The following EPM2A variants were observed in gnomAD, a reference collection of about 807,000 sequenced individuals.
EPM2A encodes the protein EPM2A glucan phosphatase, laforin.
Under a neutral mutation model 26.5 loss-of-function variants are expected in EPM2A, and 21 were observed. That is an observed-to-expected ratio of 0.79 (90% CI 0.56 to 1.14). EPM2A has a LOEUF of 1.14. EPM2A is among the 50% of genes most tolerant of loss of function. EPM2A has a pLI of 0.00. For missense variants in EPM2A, 458 were observed against 440.8 expected, an observed-to-expected ratio of 1.04 and a Z score of -0.35; for synonymous variants, 217 against 177.6, an observed-to-expected ratio of 1.22 and a Z score of -1.76.
At chr6:145,690,653 C>T (rs1362140147) in intron 1 of EPM2A, among the ~76,000 whole-genome samples, 3 of 149,566 alleles carry the variant, frequency 2.0e-5, no homozygotes, top group African/African-American at 7.4e-5. Context: ...AAAAAGATGC[C>T]GGATAAAGGC....
At chr6:145,480,653 G>A (rs1038441363) in intron 4 of EPM2A, among the ~76,000 whole-genome samples, 2 of 151,958 alleles carry the variant, frequency 1.3e-5, no homozygotes, top group Non-Finnish European at 1.5e-5. Flanking sequence ...TATATCTTGA[G>A]GCTACTTAGA....
At chr6:145,630,323 G>C (rs1016603213) in intron 3 of EPM2A, 3 of 152,208 alleles carry the variant, frequency 2.0e-5, no homozygotes, top group African/African-American at 7.2e-5. Context: ...CTTAAGAAGG[G>C]TATCAGAGGC....
chr6:145,488,803 C>A (rs1779713347), intron 4 of EPM2A, among the ~76,000 whole-genome samples: 1 of 151,990 alleles, frequency 6.6e-6, no homozygotes, highest in Non-Finnish European at 1.5e-5. Flanking sequence ...ACTAGTGCAA[C>A]TTTCAATCAA....
chr6:145,674,940 C>T lies in EPM2A; in HGVS notation c.476+11182G>A, dbSNP rs1338983721. Among the ~76,000 whole-genome samples, 8 of 152,048 alleles carry T rather than the reference C, an allele frequency of 5.3e-5. No homozygotes were observed. The East Asian group carries it at 7.7e-4, about 15-fold the overall frequency. ...AATTCAGGAAATACAGAGAACACCA[C>T]GAAGATACTCCTCAAGAAGAGCAAC... On this transcript the variant is annotated intron_variant, in intron 2 of 3. Coordinates refer to ENST00000367519, the MANE Select transcript of EPM2A (RefSeq NM_005670.4).
intron 4 of EPM2A, among the ~76,000 whole-genome samples, chr6:145,397,525 A>C (rs748536171): frequency 4.6e-5 from 7 of 152,166 alleles, no homozygotes; most frequent in Non-Finnish European, 5.9e-5. Flanking sequence ...CTCCTACCCA[A>C]TTACAGGGGG....
At chr6:145,580,308 A>G (rs952888520) in intron 2 of EPM2A, among the ~76,000 whole-genome samples, 3 of 152,150 alleles carry the variant, frequency 2.0e-5, no homozygotes, top group Non-Finnish European at 4.4e-5. Context: ...TTATTAAATG[A>G]TTAGCATTTG....
chr6:145,654,885 G>A (rs1778150837), intron 2 of EPM2A, among the ~76,000 whole-genome samples: 1 of 152,050 alleles, frequency 6.6e-6, no homozygotes, highest in Non-Finnish European at 1.5e-5. Context: ...TACTTCACTT[G>A]TATAAAGTTG....
intron 2 of EPM2A, among the ~76,000 whole-genome samples, chr6:145,672,539 T>C (rs1008866233): frequency 2.6e-5 from 4 of 152,112 alleles, no homozygotes; most frequent in African/African-American, 9.7e-5. Context: ...GAAAAAGAAA[T>C]AAGAACTAGT....
intron 4 of EPM2A, among the ~76,000 whole-genome samples, chr6:145,448,943 T>C (rs1779163606): frequency 6.6e-6 from 1 of 152,190 alleles, no homozygotes; most frequent in Non-Finnish European, 1.5e-5. Flanking sequence ...TGTAAAACCA[T>C]GGGCCTCAGC....
chr6:145,585,791 A>G lies in EPM2A; in HGVS notation c.340+49454T>C, dbSNP rs572003041. Among the ~76,000 whole-genome samples the G allele has an allele frequency of 1.2e-3, 177 of 152,254 alleles. 1 individual carries two copies. The highest frequency in any genetic ancestry group is 3.9e-3 in the African/African-American group (163 of 41,556). ...AATTAAGTTACTTGGAAACAGTTTG[A>G]TCTTTTGGGCTATTGTGTTTAAAAT... On this transcript the variant is annotated intron_variant, in intron 2 of 3. Coordinates refer to the EPM2A transcript ENST00000450221.
Position 145,627,351 on chromosome 6 carries a change from C to T in EPM2A, c.*65G>A, listed in dbSNP as rs1775884442. On this transcript the variant is annotated 3_prime_UTR_variant, in exon 4 of 4. Coordinates refer to ENST00000367519, the MANE Select transcript of EPM2A (RefSeq NM_005670.4). ...TCAGGTAGAATCCTTGTTTCTAGGTCATTTGACCAACATCATCCCAGGCTC... is the reference window on the plus strand; with the variant it reads ...TCAGGTAGAATCCTTGTTTCTAGGTTATTTGACCAACATCATCCCAGGCTC... 6.2e-6 allele frequency: 10 copies of T among 1,608,886 alleles called. No homozygotes were observed. The highest frequency in any genetic ancestry group is 8.5e-6 in the Non-Finnish European group (10 of 1,179,966).
At chr6:145,704,174 A>G (rs907884920) in intron 1 of EPM2A, among the ~76,000 whole-genome samples, 4 of 152,212 alleles carry the variant, frequency 2.6e-5, no homozygotes, top group Admixed American at 6.5e-5. Context: ...CTGCAGTCAC[A>G]TTTACTTCAT....
At chr6:145,719,264 C>T (rs574249741) in intron 1 of EPM2A, among the ~76,000 whole-genome samples, 34 of 149,016 alleles carry the variant, frequency 2.3e-4, no homozygotes, top group African/African-American at 7.7e-4. Context: ...AAATGTGGCA[C>T]ATATACACCA....
chr6:145,519,493 C>G (rs1780175434), intron 2 of EPM2A, among the ~76,000 whole-genome samples: 1 of 152,084 alleles, frequency 6.6e-6, no homozygotes, highest in African/African-American at 2.4e-5. Context: ...TTCTCCCTAC[C>G]AATTTTCAGT....
chr6:145,437,551 C>T (rs1779005356), intron 4 of EPM2A, among the ~76,000 whole-genome samples: 1 of 152,180 alleles, frequency 6.6e-6, no homozygotes, highest in African/African-American at 2.4e-5. Context: ...CACCAAGAAT[C>T]AGTTGAAAAT....
chr6:145,536,253 GT>G (rs1562373794), intron 2 of EPM2A, among the ~76,000 whole-genome samples: 3 of 59,694 alleles, frequency 5.0e-5, no homozygotes, highest in African/African-American at 1.6e-4. Context: ...TTGGTTTTTT[GT>G]TTTTGTTTTT....
chr6:145,459,403 C>T (rs932193210), intron 4 of EPM2A, among the ~76,000 whole-genome samples: 7 of 152,068 alleles, frequency 4.6e-5, no homozygotes, highest in South Asian at 2.1e-4. Flanking sequence ...GAATCATGCT[C>T]GAAAAGTTCA....
At chr6:145,695,699 A>G (rs1341107327) in intron 1 of EPM2A, among the ~76,000 whole-genome samples, 1 of 152,072 alleles carries the variant, frequency 6.6e-6, no homozygotes, top group Non-Finnish European at 1.5e-5. Context: ...AAGAAAGACA[A>G]AGAAGGTAAT....
At chr6:145,729,752 G>A (rs1776388828) in intron 1 of EPM2A, among the ~76,000 whole-genome samples, 1 of 152,160 alleles carries the variant, frequency 6.6e-6, no homozygotes, top group South Asian at 2.1e-4. Flanking sequence ...AATAAGCTGA[G>A]ACTTTGGGGG....
Sources: gnomAD v4.1 joint callset for allele counts (sites outside exome capture counted in the v4.1 genomes callset) on GRCh38, gnomAD v4.1.1 for gene constraint, MANE v1.5 for transcripts, NCBI Gene and HGNC (gene_info 2026-07-23, HGNC 2026-07-21) for gene names.